Variants in CEBPZ observed in about 807,000 individuals in gnomAD.
CEBPZ encodes CCAAT/enhancer-binding protein zeta.
In CEBPZ, 78 loss-of-function variants were observed where a neutral mutation model predicts 104.5. The ratio of observed to expected loss-of-function variants is 0.75; its 90% confidence interval spans 0.62 to 0.90. The LOEUF is 0.90. Ranked by LOEUF, CEBPZ falls within the 40% of genes least tolerant of loss-of-function variation. The pLI is 0.00. For missense variants in CEBPZ, 1,439 were observed against 1,233.5 expected (o/e 1.17, Z -2.50); for synonymous variants, 470 against 427.0 (o/e 1.10, Z -1.24).
In CEBPZ at chr2:37,202,044, T is replaced by C. The variant is rs2148328730; in HGVS notation, c.3026-141A>G. 7 of 540,722 alleles carry C rather than the reference T, an allele frequency of 1.3e-5. No individual in the cohort carries two copies. In the East Asian group the frequency reaches 1.8e-4, roughly 14 times the overall value. The allele number at this position is 540,722 out of a possible 1,614,324, so 33.5% of individuals were successfully genotyped here. On this transcript the variant is annotated intron_variant, in intron 15 of 15. Transcript: ENST00000234170. Reference sequence around the variant, plus strand: ...ACCCACTATACAAACCCACTGCTTGTTTGTTGCTTTTCTTCTCATATTTAT... The same window carrying C: ...ACCCACTATACAAACCCACTGCTTGCTTGTTGCTTTTCTTCTCATATTTAT...
intron 5 of CEBPZ, among the ~76,000 whole-genome samples, chr2:37,217,377 G>A (rs1055845498): frequency 1.4e-4 from 22 of 152,050 alleles, no homozygotes; most frequent in Admixed American, 7.2e-4. Flanking sequence ...CTCCAGCCTG[G>A]GTGACAGAGT....
intron 11 of CEBPZ, 85 bp downstream of exon 11, chr2:37,212,250 A>AT: frequency 8.1e-7 from 1 of 1,233,206 alleles, no homozygotes; most frequent in Non-Finnish European, 1.2e-6. Context: ...CCCCTTTATC[A>AT]TATAGTTCTG....
chr2:37,222,638 A>T, intron 3 of CEBPZ, 75 bp from the exon 4 acceptor site: 1 of 1,081,338 alleles, frequency 9.2e-7, no homozygotes, highest in Non-Finnish European at 1.3e-6. Context: ...CCATTATGTG[A>T]TGCAGAGTTT....
chr2:37,223,045 A>C (rs1664805926), intron 3 of CEBPZ, 125 bp downstream of exon 3: 2 of 754,128 alleles, frequency 2.7e-6, no homozygotes, highest in African/African-American at 1.8e-5. Flanking sequence ...GGTTTGTCCT[A>C]TTCCAGAACT....
chr2:37,230,501 G>C (rs546669119), intron 1 of CEBPZ, among the ~76,000 whole-genome samples: 1 of 152,314 alleles, frequency 6.6e-6, no homozygotes, highest in African/African-American at 2.4e-5. Flanking sequence ...ATATACACAA[G>C]CACAGAGCAA....
intron 9 of CEBPZ, 86 bp downstream of exon 9, chr2:37,214,800 T>A: frequency 1.2e-6 from 1 of 820,620 alleles, no homozygotes; most frequent in East Asian, 2.6e-5. Flanking sequence ...TTGAAGTAGA[T>A]TATTTCATAA....
chr2:37,209,387 CA>C (rs1378211738), intron 13 of CEBPZ: 3 of 152,158 alleles, frequency 2.0e-5, no homozygotes, highest in African/African-American at 7.2e-5. Flanking sequence ...TACCTGACTT[CA>C]AACTATACTA....
chr2:37,222,293 A>G (rs1664787785), intron 4 of CEBPZ, 87 bp downstream of exon 4: 3 of 1,168,442 alleles, frequency 2.6e-6, no homozygotes, highest in South Asian at 3.4e-5. Context: ...AAATAAATAA[A>G]TAAGTAAATA....
intron 13 of CEBPZ, chr2:37,209,918 C>T (rs976354282): frequency 2.0e-5 from 3 of 151,978 alleles, no homozygotes; most frequent in African/African-American, 4.8e-5. Context: ...CTATAAGGAA[C>T]TCAAAAAAGT....
chr2:37,205,593 A>G (rs1277225568), intron 13 of CEBPZ, among the ~76,000 whole-genome samples: 3 of 152,218 alleles, frequency 2.0e-5, no homozygotes, highest in Non-Finnish European at 2.9e-5. Flanking sequence ...CTTGTTGCTC[A>G]TGCAAAGCCT....
chr2:37,208,163 C>A (rs2160391), intron 13 of CEBPZ, among the ~76,000 whole-genome samples: 1 of 151,982 alleles, frequency 6.6e-6, no homozygotes, highest in Admixed American at 6.6e-5. Flanking sequence ...AATAAAAAAA[C>A]TGCCAACAAA....
At chr2:37,212,122 A>T (rs755961752) in intron 11 of CEBPZ, 83 bp from the exon 12 acceptor site, 10 of 1,209,514 alleles carry the variant, frequency 8.3e-6, no homozygotes, top group Non-Finnish European at 1.2e-5. Context: ...GCAGTAGGCT[A>T]TTAAATGACT....
intron 13 of CEBPZ, among the ~76,000 whole-genome samples, chr2:37,205,643 T>A (rs1456953731): frequency 6.6e-6 from 1 of 152,242 alleles, no homozygotes; most frequent in African/African-American, 2.4e-5. Context: ...TGAAACTTTT[T>A]AAAACATTAT....
At chr2:37,208,493 C>T (rs148602593) in intron 13 of CEBPZ, among the ~76,000 whole-genome samples, 20 of 152,136 alleles carry the variant, frequency 1.3e-4, no homozygotes, top group South Asian at 6.2e-4. Context: ...GTTTAACATA[C>T]GCAAGTCAAT....
Position 37,202,806 on chromosome 2 carries a change from G to A in CEBPZ, c.3003C>T (p.Ala1001=). Residue 1001 remains alanine, a synonymous_variant, in exon 15 of 16, where the codon GCC becomes GCT. Transcript: ENST00000234170. The part of the protein sequence containing the change: ...GSKFDNIGMN[A]MANKDNASLK... ...TACTTGCATTATCTTTGTTAGCCAT[G>A]GCATTCATGCCAATGTTATCAAACT... 1.3e-6 allele frequency: 2 copies of A among 1,586,092 alleles called. No individual in the cohort carries two copies. Among genetic ancestry groups the A allele is most frequent in the African/African-American group, 2.7e-5 (2 of 73,692 alleles).
intron 15 of CEBPZ, 57 bp from the exon 16 acceptor site, chr2:37,201,960 C>T: frequency 2.6e-6 from 4 of 1,517,062 alleles, no homozygotes; most frequent in Non-Finnish European, 3.6e-6. Context: ...CTTGGTGGTC[C>T]CACAGAACAT....
intron 1 of CEBPZ, among the ~76,000 whole-genome samples, chr2:37,230,048 A>G (rs76791942): frequency 0.027 from 4,155 of 152,238 alleles, 195 homozygotes; most frequent in African/African-American, 0.095. Context: ...GAAAAACACG[A>G]TTAAGGTTAT....
intron 1 of CEBPZ, 65 bp downstream of exon 1, chr2:37,231,347 G>C: frequency 1.3e-6 from 2 of 1,595,142 alleles, no homozygotes; most frequent in South Asian, 2.2e-5. Context: ...CGGCGGGGCA[G>C]TCAGCCTAGC....
chr2:37,227,410 G>C (rs1279256564), intron 2 of CEBPZ, 134 bp downstream of exon 2: 3 of 665,148 alleles, frequency 4.5e-6, no homozygotes, highest in Admixed American at 3.0e-5. Context: ...CTTGAAGGTG[G>C]CGAGTAGCAA....
Sources: allele counts gnomAD v4.1 joint callset (sites outside exome capture counted in the v4.1 genomes callset), GRCh38; gene constraint gnomAD v4.1.1; transcripts MANE v1.5; gene names NCBI Gene and HGNC (gene_info 2026-07-23, HGNC 2026-07-21).